The following EYS variants were observed in gnomAD, a reference collection of about 807,000 sequenced individuals.
EYS encodes protein eyes shut homolog.
Under a neutral mutation model 282.1 loss-of-function variants are expected in EYS, and 250 were observed. That is an observed-to-expected ratio of 0.89 (90% CI 0.80 to 0.98). EYS has a LOEUF of 0.98. EYS is among the 50% of genes least tolerant of loss of function. The pLI is 0.00. For synonymous variants in EYS, 1,355 were observed against 1,282.9 expected, an observed-to-expected ratio of 1.06 and a Z score of -1.20; for missense variants, 4,016 against 3,709.0, an observed-to-expected ratio of 1.08 and a Z score of -2.15.
In EYS at chr6:65,374,514, TTC is replaced by T. The variant is rs1491360028; in HGVS notation, c.1299+9870_1299+9871del. On this transcript the variant is annotated intron_variant, in intron 8 of 42. Coordinates refer to ENST00000503581, the MANE Select transcript of EYS (RefSeq NM_001142800.2). ...AGCTACCTGCGGAGTTTTTTTTTTT[TTC>T]GTACCCCACTGATACCTGGAACTCC... Among the ~76,000 whole-genome samples the T allele has an allele frequency of 2.4e-4, 36 of 150,282 alleles. 1 individual carries two copies. The highest frequency in any genetic ancestry group is 1.8e-3 in the Admixed American group (27 of 15,030).
At chr6:64,078,342 C>T (rs200640911) in intron 32 of EYS, among the ~76,000 whole-genome samples, 3 of 152,006 alleles carry the variant, frequency 2.0e-5, no homozygotes, top group East Asian at 1.9e-4. Context: ...ATTGCTCCTA[C>T]ACATAATATA....
At chr6:64,751,770 G>A (rs751070703) in intron 22 of EYS, among the ~76,000 whole-genome samples, 2 of 152,146 alleles carry the variant, frequency 1.3e-5, no homozygotes. Flanking sequence ...ACATAAACTT[G>A]CCAAGACCTC....
chr6:64,936,471 A>C (rs1240452554), intron 15 of EYS, among the ~76,000 whole-genome samples: 1 of 151,502 alleles, frequency 6.6e-6, no homozygotes. Context: ...ACAGAAAAAA[A>C]CGTATCAATA....
intron 40 of EYS, among the ~76,000 whole-genome samples, chr6:63,767,015 T>C (rs756092147): frequency 1.5e-4 from 23 of 152,082 alleles, no homozygotes; most frequent in Non-Finnish European, 2.9e-4. Context: ...AGAAAAGACT[T>C]TGATAAAATT....
At chr6:64,045,023 A>C (rs184545456) in intron 33 of EYS, among the ~76,000 whole-genome samples, 2 of 152,188 alleles carry the variant, frequency 1.3e-5, no homozygotes, top group African/African-American at 2.4e-5. Flanking sequence ...GTCTCATTGT[A>C]ATCAATCCAG....
At chr6:63,986,217 A>C (rs147847639) in intron 34 of EYS, among the ~76,000 whole-genome samples, 1 of 151,128 alleles carries the variant, frequency 6.6e-6, no homozygotes, top group Non-Finnish European at 1.5e-5. Context: ...CAAAACCACA[A>C]TGAGATACCA....
At chr6:65,184,733 A>T (rs1253676468) in intron 12 of EYS, among the ~76,000 whole-genome samples, 2 of 151,674 alleles carry the variant, frequency 1.3e-5, no homozygotes, top group Admixed American at 1.3e-4. Context: ...GGGTTTTGTT[A>T]TTCAGTCTCT....
rs182956375 is a variant in EYS at position 65,120,654 on chromosome 6, G to A, written c.2024-62927C>T. Among the ~76,000 whole-genome samples the A allele has an allele frequency of 7.6e-4, 116 of 152,034 alleles. 1 individual carries two copies. The highest frequency in any genetic ancestry group is 2.5e-3 in the African/African-American group (105 of 41,456). On this transcript the variant is annotated intron_variant, in intron 12 of 42. Transcript: ENST00000503581. ...CCTCAGAGGGACTCCAGTGCTGCTG[G>A]TCCATGGAATACACCTAAAAAGCAC...
chr6:63,922,515 A>G (rs1764601211), intron 35 of EYS, among the ~76,000 whole-genome samples: 1 of 152,178 alleles, frequency 6.6e-6, no homozygotes, highest in Non-Finnish European at 1.5e-5. Context: ...GTGAGCCAAG[A>G]TCATGCCACT....
At position 64,211,572 on chromosome 6, in the gene EYS, TA is replaced by T. The variant is rs200173669; in HGVS notation, c.6424+19019del. On this transcript the variant is annotated intron_variant, in intron 31 of 42. Transcript: ENST00000503581. ...AATTAATCTAATTCATATATATATATATTTTTTTTCATATATTAATCTAATT... is the reference window on the plus strand; with the variant it reads ...AATTAATCTAATTCATATATATATATTTTTTTTTCATATATTAATCTAATT... Among the ~76,000 whole-genome samples, 1,376 of 138,118 alleles carry T rather than the reference TA, an allele frequency of 1.0e-2. 18 individuals carry two copies. The highest frequency in any genetic ancestry group is 0.034 in the African/African-American group (1,253 of 36,896). The allele number at this position is 138,118 out of a possible 152,430, so 90.6% of individuals were successfully genotyped here. A position where few individuals can be genotyped will look rare whatever the true frequency, so the allele number is the denominator to read the frequency against.
intron 19 of EYS, among the ~76,000 whole-genome samples, chr6:64,837,640 GATAT>G (rs1399544584): frequency 7.0e-6 from 1 of 143,442 alleles, no homozygotes. Context: ...ATAGATATAT[GATAT>G]ATATGATATA....
At chr6:64,516,714 C>T (rs954967467) in intron 26 of EYS, among the ~76,000 whole-genome samples, 2 of 151,654 alleles carry the variant, frequency 1.3e-5, no homozygotes, top group Non-Finnish European at 2.9e-5. Flanking sequence ...CACATTTGTA[C>T]TTGGTTAAAT....
chr6:64,187,071 G>A (rs5002649), intron 31 of EYS, among the ~76,000 whole-genome samples: 52,347 of 151,942 alleles, frequency 0.34, 9,053 homozygotes, highest in East Asian at 0.53. Context: ...AATCTGGTCT[G>A]TAGATGAACC....
chr6:63,952,129 C>T lies in EYS; in HGVS notation c.7055+32254G>A, dbSNP rs566286399. ...CACAAGAACTTCAAAATGCCTAAGC[C>T]ACAGCGGTTAAGCATTCCTACAGGA... is the stretch of plus-strand genomic sequence containing the variant. On this transcript the variant is annotated intron_variant, in intron 35 of 42. Transcript: ENST00000503581. Among the ~76,000 whole-genome samples the T allele has an allele frequency of 9.2e-5, 14 of 152,354 alleles. 1 individual carries two copies. The South Asian group carries it at 2.9e-3, about 32-fold the overall frequency.
At chr6:65,207,986 A>T (rs534204150) in intron 12 of EYS, among the ~76,000 whole-genome samples, 1 of 151,956 alleles carries the variant, frequency 6.6e-6, no homozygotes, top group South Asian at 2.1e-4. Context: ...CCCTAAAAGC[A>T]AATGCAACAT....
At chr6:64,213,734 A>G (rs1765851393) in intron 31 of EYS, among the ~76,000 whole-genome samples, 2 of 152,148 alleles carry the variant, frequency 1.3e-5, no homozygotes, top group Admixed American at 6.5e-5. Context: ...ATTTTAGAAG[A>G]CAGCATTTCA....
At chr6:64,572,150 C>G (rs553046984) in intron 26 of EYS, among the ~76,000 whole-genome samples, 2 of 152,144 alleles carry the variant, frequency 1.3e-5, no homozygotes, top group Non-Finnish European at 2.9e-5. Flanking sequence ...TAATCCATCA[C>G]ATAAACAGAA....
At chr6:64,385,129 A>G (rs1310758495) in intron 29 of EYS, among the ~76,000 whole-genome samples, 1 of 152,198 alleles carries the variant, frequency 6.6e-6, no homozygotes, top group Non-Finnish European at 1.5e-5. Flanking sequence ...TAGAGCCTGC[A>G]TGATACTTAG....
rs543158843 is a variant in EYS, at chr6:65,578,050, A to C, written c.-333+61728T>G. Among the ~76,000 whole-genome samples the C allele has an allele frequency of 1.9e-4, 29 of 151,952 alleles. 1 individual carries two copies. The highest frequency in any genetic ancestry group is 6.5e-4 in the African/African-American group (27 of 41,554). On this transcript the variant is annotated intron_variant, in intron 2 of 42. Transcript: ENST00000503581. Reference sequence around the variant, plus strand: ...TCAAAAAATTGAAAATAGGAGCACTAAATGATCCAGGAATCTAACCAATAG... The same window carrying C: ...TCAAAAAATTGAAAATAGGAGCACTCAATGATCCAGGAATCTAACCAATAG...
Sources: allele counts gnomAD v4.1 joint callset (sites outside exome capture counted in the v4.1 genomes callset), GRCh38; gene constraint gnomAD v4.1.1; transcripts MANE v1.5; gene names NCBI Gene and HGNC (gene_info 2026-07-23, HGNC 2026-07-21).